Variants in ENTR1 observed in about 807,000 individuals in gnomAD.
ENTR1 encodes the protein endosome-associated-trafficking regulator 1.
A neutral mutation model predicts 47.9 loss-of-function variants in ENTR1; 47 were observed. The observed-to-expected ratio is 0.98, with a 90% confidence interval of 0.78 to 1.25. The LOEUF is 1.25. Ranked by LOEUF, ENTR1 falls within the 50% of genes most tolerant of loss-of-function variation. The pLI is 0.00. For synonymous variants in ENTR1, 290 were observed against 245.8 expected, an observed-to-expected ratio of 1.18 and a Z score of -1.68; for missense variants, 668 against 570.5, an observed-to-expected ratio of 1.17 and a Z score of -1.74.
Position 136,410,425 on chromosome 9 carries a change from G to A in ENTR1, c.-28C>T, listed in dbSNP as rs1319856289. The A allele has an allele frequency of 3.3e-6, 4 of 1,228,914 alleles. No individual in the cohort carries two copies. The East Asian group carries it at 1.1e-4, about 32-fold the overall frequency. 76.1% of individuals were successfully genotyped at this position (1,228,914 alleles called of 1,614,324 possible). On this transcript the variant is annotated 5_prime_UTR_variant, in exon 1 of 10. Transcript: ENST00000357365. ...CCGCCGGCCCGGCGGGGCACGACCT[G>A]CCTAGCCCGGCAGCGGCGGCTCCAT...
At chr9:136,403,042 G>A (rs1475804534) in intron 9 of ENTR1, among the ~76,000 whole-genome samples, 155 bp from the exon 10 acceptor site, 1 of 120,846 alleles carries the variant, frequency 8.3e-6, no homozygotes, top group Non-Finnish European at 1.7e-5. Flanking sequence ...GGAAGGCGAG[G>A]GTTTCCAGGG....
intron 5 of ENTR1, chr9:136,406,858 T>C (rs1834790478): frequency 5.9e-6 from 2 of 340,232 alleles, no homozygotes; most frequent in Admixed American, 8.6e-5. Context: ...CTTGGAATAC[T>C]TAGCAAGCTG....
rs765984077 is a variant in ENTR1, at chr9:136,407,582, A to C, written c.403-21T>G. 2.9e-5 allele frequency: 44 copies of C among 1,533,734 alleles called. No individual in the cohort carries two copies. The East Asian group carries it at 5.7e-4, about 20-fold the overall frequency. ...GCTTCCTAAAAAAAAAAAAAAAAAAAAAACAATGGAGGCCATGCTTCTGAC... is the reference window on the plus strand; with the variant it reads ...GCTTCCTAAAAAAAAAAAAAAAAAACAAACAATGGAGGCCATGCTTCTGAC... On this transcript the variant is annotated intron_variant, in intron 4 of 9. Transcript: ENST00000357365.
At position 136,410,090 on chromosome 9, in the gene ENTR1, C is replaced by G; in HGVS notation, c.220G>C (p.Asp74His). Residue 74 changes from aspartate to histidine, a missense_variant and splice_region_variant, in exon 2 of 10, where the codon GAT (aspartate) becomes CAT (histidine). Asp to His is a moderately conservative substitution (Grantham distance 81). Transcript: ENST00000357365. ...CGGGGCCGGCGCCCTCGTCTCTCAC[C>G]TGTGTCTCCCACGGAAGCCAGCACC... The part of the protein sequence containing the change: ...SPVLASVGDT[D>H]FGYGKGKCSK... The G allele has an allele frequency of 1.9e-6, 3 of 1,612,756 alleles. No individual in the cohort carries two copies. Among genetic ancestry groups the G allele is most frequent in the Non-Finnish European group, 2.5e-6 (3 of 1,179,926 alleles).
intron 3 of ENTR1, 150 bp from the exon 4 acceptor site, chr9:136,408,088 G>C: frequency 3.3e-6 from 2 of 606,096 alleles, no homozygotes; most frequent in Non-Finnish European, 3.0e-6. Context: ...GCACTAGGAA[G>C]TGTGAAGGTG....
In ENTR1 at chr9:136,407,250, G is replaced by C. The variant is rs372539631; in HGVS notation, c.714C>G (p.Arg238=). 6.2e-7 allele frequency: 1 copy of C among 1,612,990 alleles called. No homozygotes were observed. The highest frequency in any genetic ancestry group is 1.3e-5 in the African/African-American group (1 of 74,918). The change falls in exon 5 of 10, where the codon CGC becomes CGG. Residue 238 remains arginine, a synonymous_variant. Coordinates refer to ENST00000357365, the MANE Select transcript of ENTR1 (RefSeq NM_001039707.2). ...PSWALSDTDS[R]VSPASPAGSP... is the part of the protein sequence containing the mutation. Reference sequence around the variant, plus strand: ...TCCCTGCCGGAGAGGCCGGAGACACGCGAGAATCAGTGTCACTCAACGCCC... The same window carrying C: ...TCCCTGCCGGAGAGGCCGGAGACACCCGAGAATCAGTGTCACTCAACGCCC...
chr9:136,405,807 G>C, intron 6 of ENTR1, 98 bp downstream of exon 6: 1 of 702,586 alleles, frequency 1.4e-6, no homozygotes, highest in Admixed American at 2.8e-5. Flanking sequence ...ATAAAACCCA[G>C]ATCTGGTTTG....
rs4400498 is a variant in ENTR1 at position 136,410,555 on chromosome 9, C to T, written c.-158G>A. On this transcript the variant is annotated 5_prime_UTR_variant, in exon 1 of 10. Coordinates refer to ENST00000357365, the MANE Select transcript of ENTR1 (RefSeq NM_001039707.2). ...CGCGCCTCCGAGCCTCTCGCCGCTG[C>T]TTCCGCTCCGAGCACCGAAAGCGCG... 0.27 allele frequency: 301,895 copies of T among 1,135,962 alleles called. 41,449 individuals carry two copies. The highest frequency in any genetic ancestry group is 0.28 in the Non-Finnish European group (252,509 of 901,126). The allele number at this position is 1,135,962 out of a possible 1,614,324, so 70.4% of individuals were successfully genotyped here. A position where few individuals can be genotyped will look rare whatever the true frequency, so the allele number is the denominator to read the frequency against.
rs571552585 is a variant in ENTR1, at chr9:136,402,890, G to A, written c.1209-3C>T. ...TCTCAGCTCCGGAAACCAGTTGCCTGAAAACAAGCATGGATATCAGGATGG... is the reference window on the plus strand; with the variant it reads ...TCTCAGCTCCGGAAACCAGTTGCCTAAAAACAAGCATGGATATCAGGATGG... On this transcript the variant is annotated splice_region_variant and splice_polypyrimidine_tract_variant and intron_variant, in intron 9 of 9. Coordinates refer to ENST00000357365, the MANE Select transcript of ENTR1 (RefSeq NM_001039707.2). 145 of 1,532,672 alleles carry A rather than the reference G, an allele frequency of 9.5e-5. No individual in the cohort carries two copies. The East Asian group carries it at 3.4e-3, about 36-fold the overall frequency. The allele number at this position is 1,532,672 out of a possible 1,614,324, so 94.9% of individuals were successfully genotyped here.
Position 136,402,804 on chromosome 9 carries a change from T to C in ENTR1, c.1292A>G (p.Glu431Gly). The change falls in exon 10 of 10, where the codon GAG (glutamate) becomes GGG (glycine). Residue 431 changes from glutamate to glycine, a missense_variant. Transcript: ENST00000357365. The part of the protein sequence containing the change: ...SIDRISEVKD[E>G]EEDS ...CAGGGGTCCTCAAGAGTCTTCCTCC[T>C]CGTCTTTAACTTCAGAAATTCTGTC... The C allele has an allele frequency of 6.2e-7, 1 of 1,612,854 alleles. No homozygotes were observed. Among genetic ancestry groups the C allele is most frequent in the South Asian group, 1.1e-5 (1 of 91,046 alleles).
intron 3 of ENTR1, 117 bp from the exon 4 acceptor site, chr9:136,408,055 G>A (rs1834868545): frequency 1.5e-6 from 1 of 671,366 alleles, no homozygotes; most frequent in Admixed American, 2.2e-5. Context: ...AGCCACGCTT[G>A]TCATTCTACC....
Position 136,402,122 on chromosome 9 carries a change from C to T in ENTR1, c.*666G>A, listed in dbSNP as rs1478056620. ...CTTGAAATTCCTGAATTCTAACCTG[C>T]ATTGTACAAAATGCCACTTGAAACG... On this transcript the variant is annotated 3_prime_UTR_variant, in exon 10 of 10. Transcript: ENST00000357365. The T allele has an allele frequency of 6.5e-6, 1 of 152,992 alleles. No individual in the cohort carries two copies. The highest frequency in any genetic ancestry group is 1.5e-5 in the Non-Finnish European group (1 of 68,174). The allele number at this position is 152,992 out of a possible 1,614,324, so 9.5% of individuals were successfully genotyped here.
chr9:136,407,035 G>T, intron 5 of ENTR1, 110 bp downstream of exon 5: 1 of 1,135,378 alleles, frequency 8.8e-7, no homozygotes, highest in Non-Finnish European at 1.2e-6. Context: ...AAATCGCCTT[G>T]TCCTGGAAAT....
In ENTR1 at chr9:136,407,825, C is replaced by G; in HGVS notation, c.402+1G>C. The G allele has an allele frequency of 6.2e-7, 1 of 1,605,548 alleles. No homozygotes were observed. Among genetic ancestry groups the G allele is most frequent in the East Asian group, 2.2e-5 (1 of 44,812 alleles). On this transcript the variant is annotated splice_donor_variant, in intron 4 of 9. Transcript: ENST00000357365. LOFTEE classifies it high-confidence loss of function. ...CATCGCCCACAGTGCCGTGGATTTA[C>G]CTTTGCATAAATTCTGCTGGCCGGA...
rs73670254 is a variant in ENTR1, at chr9:136,404,022, C to T, written c.1208+33G>A. 2,882 of 1,554,642 alleles carry T rather than the reference C, an allele frequency of 1.9e-3. 38 individuals carry two copies. In the African/African-American group the frequency reaches 0.034, roughly 18 times the overall value. The stretch of plus-strand genomic sequence containing the variant: ...ACCACTCCAATCTCACCCCTTTCCC[C>T]GCCAGGCTTCCCGGTGCCTCCCAGG... On this transcript the variant is annotated intron_variant, in intron 9 of 9. Coordinates refer to ENST00000357365, the MANE Select transcript of ENTR1 (RefSeq NM_001039707.2).
chr9:136,407,556 G>A lies in ENTR1; in HGVS notation c.408C>T (p.Ala136=). 1 of 1,500,294 alleles carries A rather than the reference G, an allele frequency of 6.7e-7. No individual in the cohort carries two copies. The highest frequency in any genetic ancestry group is 8.8e-7 in the Non-Finnish European group (1 of 1,135,944). 92.9% of individuals were successfully genotyped at this position (1,500,294 alleles called of 1,614,324 possible). A position where few individuals can be genotyped will look rare whatever the true frequency, so the allele number is the denominator to read the frequency against. ...DPASRIYAKE[A]SRHSLGLDHN... ...GGTCAAGTCCCAGGGAATGCCTCGA[G>A]GCTTCCTAAAAAAAAAAAAAAAAAA... The change falls in exon 5 of 10, where the codon GCC becomes GCT. Residue 136 remains alanine (A), a synonymous_variant. Transcript: ENST00000357365.
In ENTR1 at chr9:136,407,233, G is replaced by A. The variant is rs375536360; in HGVS notation, c.731C>T (p.Pro244Leu). 44 of 1,613,004 alleles carry A rather than the reference G, an allele frequency of 2.7e-5. No homozygotes were observed. The highest frequency in any genetic ancestry group is 9.3e-5 in the African/African-American group (7 of 74,922). Residue 244 changes from proline to leucine, a missense_variant, in exon 5 of 10, where the codon CCG (proline) becomes CTG (leucine). Coordinates refer to ENST00000357365, the MANE Select transcript of ENTR1 (RefSeq NM_001039707.2). Reference sequence around the variant, plus strand: ...AAAGTCTGCGCTAGGACTCCCTGCCGGAGAGGCCGGAGACACGCGAGAATC... The same window carrying A: ...AAAGTCTGCGCTAGGACTCCCTGCCAGAGAGGCCGGAGACACGCGAGAATC... ...DTDSRVSPAS[P>L]AGSPSADFAV...
At position 136,402,858 on chromosome 9, in the gene ENTR1, T is replaced by C; in HGVS notation, c.1238A>G (p.Asn413Ser). The C allele has an allele frequency of 1.9e-6, 3 of 1,612,552 alleles. No homozygotes were observed. The highest frequency in any genetic ancestry group is 2.2e-5 in the South Asian group (2 of 91,026). The change falls in exon 10 of 10, where the codon AAT (asparagine) becomes AGT (serine). Residue 413 changes from asparagine (N) to serine (S), a missense_variant. Physicochemically the swap from Asn to Ser is conservative, Grantham distance 46. Coordinates refer to ENST00000357365, the MANE Select transcript of ENTR1 (RefSeq NM_001039707.2). Reference protein sequence around the residue: ...KQLVSGAETLNLVAEILKSID... With the variant: ...KQLVSGAETLSLVAEILKSID... ...AGATTTAAGGATTTCGGCAACAAGA[T>C]TCAGTGTCTCAGCTCCGGAAACCAG...
chr9:136,407,609 C>A (rs781414022), intron 4 of ENTR1, 48 bp from the exon 5 acceptor site: 1 of 1,502,866 alleles, frequency 6.7e-7, no homozygotes, highest in Admixed American at 2.4e-5. Flanking sequence ...GCTTCTGACT[C>A]GGAGCGCATC....
Sources: allele counts gnomAD v4.1 joint callset (sites outside exome capture counted in the v4.1 genomes callset), GRCh38; gene constraint gnomAD v4.1.1; transcripts MANE v1.5; gene names NCBI Gene and HGNC (gene_info 2026-07-23, HGNC 2026-07-21).